Variants in CRADD observed in about 807,000 individuals in gnomAD.
CRADD encodes the protein death domain-containing protein CRADD.
A neutral mutation model predicts 15.5 loss-of-function variants in CRADD; 9 were observed. The observed-to-expected ratio is 0.58, with a 90% CI of 0.35 to 1.01. The LOEUF (loss-of-function observed/expected upper bound fraction) is 1.01. Ranked by LOEUF, CRADD falls within the 50% of genes least tolerant of loss-of-function variation. The pLI is 0.02. For missense variants in CRADD, 227 were observed against 250.3 expected (o/e 0.91, Z 0.63); for synonymous variants, 118 against 107.6 (o/e 1.10, Z -0.60).
intron 2 of CRADD, among the ~76,000 whole-genome samples, chr12:93,784,192 C>T (rs138747535): frequency 1.6e-4 from 24 of 152,116 alleles, no homozygotes; most frequent in African/African-American, 3.4e-4. Context: ...AGAATCGAGG[C>T]GCTAAATATA....
At chr12:93,884,071 T>C (rs1958520071) in intron 2 of CRADD, among the ~76,000 whole-genome samples, 1 of 152,090 alleles carries the variant, frequency 6.6e-6, no homozygotes, top group Admixed American at 6.5e-5. Flanking sequence ...AGATCAACCC[T>C]GGTACGGGTG....
intron 2 of CRADD, among the ~76,000 whole-genome samples, chr12:93,838,213 G>A (rs894608854): frequency 1.3e-5 from 1 of 76,546 alleles, no homozygotes; most frequent in African/African-American, 7.3e-5. Flanking sequence ...TTCCTTTTGA[G>A]GTTTTTTTTT....
chr12:93,724,273 G>C (rs953907220), intron 2 of CRADD, among the ~76,000 whole-genome samples: 3 of 152,020 alleles, frequency 2.0e-5, no homozygotes, highest in African/African-American at 7.3e-5. Context: ...CAGCTACTTG[G>C]GAGGCTGAGG....
chr12:93,750,600 G>A (rs1043272041), intron 2 of CRADD, among the ~76,000 whole-genome samples: 1 of 151,892 alleles, frequency 6.6e-6, no homozygotes, highest in African/African-American at 2.4e-5. Context: ...TCTTATTCCA[G>A]TATTTTTTTT....
At chr12:93,812,812 A>T (rs999758658) in intron 2 of CRADD, among the ~76,000 whole-genome samples, 1 of 152,230 alleles carries the variant, frequency 6.6e-6, no homozygotes, top group Middle Eastern at 3.2e-3. Flanking sequence ...CATGATTTAC[A>T]ACTGGTGTAA....
chr12:93,791,895 AT>A (rs34088777), intron 2 of CRADD, among the ~76,000 whole-genome samples: 71,357 of 137,072 alleles, frequency 0.52, 19,067 homozygotes, highest in African/African-American at 0.64. Context: ...GTCCTAATGG[AT>A]TTTTTTTTTT....
At chr12:93,853,903 G>A (rs963487820), downstream of CRADD, among the ~76,000 whole-genome samples, 9 of 152,158 alleles carry the variant, frequency 5.9e-5, no homozygotes, top group African/African-American at 2.2e-4. Context: ...ACTTCCCTGC[G>A]TGGATCTTTA....
rs573346389 is a variant in CRADD at position 93,885,676 on chromosome 12, A to G, written c.299-8374A>G. ...TCTCCTCAGTTTCTTCTTTTGAAAA[A>G]TGGGTATAATGAAATTTGCCACCCT... On this transcript the variant is annotated intron_variant, in intron 2 of 2. Transcript: ENST00000548483. 2.6e-5 allele frequency among the ~76,000 whole-genome samples: 4 copies of G among 152,278 alleles called. No individual in the cohort carries two copies. The East Asian group carries it at 5.8e-4, about 22-fold the overall frequency.
At chr12:93,887,343 G>A (rs1284522240) in intron 2 of CRADD, among the ~76,000 whole-genome samples, 2 of 152,276 alleles carry the variant, frequency 1.3e-5, no homozygotes, top group East Asian at 3.9e-4. Flanking sequence ...ATCAGATATT[G>A]CCGTCGGCAG....
intron 2 of CRADD, among the ~76,000 whole-genome samples, chr12:93,757,115 C>T (rs1010712101): frequency 2.5e-4 from 38 of 152,296 alleles, no homozygotes; most frequent in African/African-American, 7.7e-4. Context: ...CTAAAACATA[C>T]GTATATTTCC....
At chr12:93,792,309 G>T (rs1362596746) in intron 2 of CRADD, among the ~76,000 whole-genome samples, 1 of 152,168 alleles carries the variant, frequency 6.6e-6, no homozygotes, top group Non-Finnish European at 1.5e-5. Flanking sequence ...GAAAGAAGAT[G>T]CTGGAGACCC....
intron 2 of CRADD, among the ~76,000 whole-genome samples, chr12:93,779,880 C>T (rs566532248): frequency 1.3e-5 from 2 of 152,244 alleles, no homozygotes; most frequent in South Asian, 2.1e-4. Flanking sequence ...TGAGCCACCG[C>T]GCCTGGCCCA....
At chr12:93,714,912 G>A (rs918341416) in intron 2 of CRADD, 3 of 152,210 alleles carry the variant, frequency 2.0e-5, no homozygotes, top group Admixed American at 6.5e-5. Flanking sequence ...ATTGAGACAA[G>A]ACAGGAGGAG....
chr12:93,695,629 G>A (rs763192863), intron 2 of CRADD, among the ~76,000 whole-genome samples: 24 of 152,196 alleles, frequency 1.6e-4, no homozygotes, highest in Non-Finnish European at 2.5e-4. Flanking sequence ...GGCGGCCAGC[G>A]CAGTGGTTCA....
chr12:93,723,276 C>A (rs904123662), intron 2 of CRADD, among the ~76,000 whole-genome samples: 2 of 152,164 alleles, frequency 1.3e-5, no homozygotes, highest in Non-Finnish European at 1.5e-5. Flanking sequence ...AGTCATGTAG[C>A]CAGAGGCCAC....
chr12:93,878,321 T>G (rs1958471722), intron 2 of CRADD, among the ~76,000 whole-genome samples: 1 of 152,154 alleles, frequency 6.6e-6, no homozygotes, highest in Non-Finnish European at 1.5e-5. Flanking sequence ...GGACCCTGAT[T>G]AGTGTCCTTT....
chr12:93,799,096 A>AT (rs1957450856), intron 2 of CRADD, among the ~76,000 whole-genome samples: 1 of 152,182 alleles, frequency 6.6e-6, no homozygotes, highest in African/African-American at 2.4e-5. Flanking sequence ...TGGTTTCCTT[A>AT]TATTAATATA....
downstream of CRADD, among the ~76,000 whole-genome samples, chr12:93,853,300 G>A (rs1350306151): frequency 1.3e-5 from 2 of 152,118 alleles, no homozygotes; most frequent in Non-Finnish European, 2.9e-5. Flanking sequence ...TTTATTACAA[G>A]AATGGGATTA....
intron 2 of CRADD, among the ~76,000 whole-genome samples, chr12:93,751,980 G>A (rs575575989): frequency 6.6e-6 from 1 of 152,316 alleles, no homozygotes; most frequent in South Asian, 2.1e-4. Flanking sequence ...TCATACTGTA[G>A]TTACTTAAGG....
Sources: gnomAD v4.1 joint callset for allele counts (sites outside exome capture counted in the v4.1 genomes callset) on GRCh38, gnomAD v4.1.1 for gene constraint, MANE v1.5 for transcripts, NCBI Gene and HGNC (gene_info 2026-07-23, HGNC 2026-07-21) for gene names.